Variants in GAPVD1 observed in about 807,000 individuals in gnomAD.
GAPVD1 encodes GTPase activating protein and VPS9 domains 1.
Under a neutral mutation model 155.5 loss-of-function variants are expected in GAPVD1, and 35 were observed. That is an observed-to-expected ratio of 0.23 (90% CI 0.17 to 0.30). GAPVD1 has a LOEUF of 0.30. Among genes scored for constraint, GAPVD1 ranks in the 10% least tolerant of loss-of-function variants. The pLI is 1.00. For missense variants in GAPVD1, 1,429 were observed against 1,775.7 expected (o/e 0.80, Z 3.51); for synonymous variants, 636 against 619.7 (o/e 1.03, Z -0.39).
chr9:125,330,666 A>T (rs1845940217), intron 13 of GAPVD1, among the ~76,000 whole-genome samples: 1 of 152,224 alleles, frequency 6.6e-6, no homozygotes, highest in South Asian at 2.1e-4. Context: ...AGAATGTCAA[A>T]TGGAAAATTA....
At chr9:125,298,009 G>A (rs760928437) in intron 3 of GAPVD1, among the ~76,000 whole-genome samples, 2 of 152,236 alleles carry the variant, frequency 1.3e-5, no homozygotes, top group Non-Finnish European at 2.9e-5. Context: ...GCCTCCCAAA[G>A]TGCTGGGATT....
chr9:125,308,021 T>C (rs1842118613), intron 8 of GAPVD1, 141 bp downstream of exon 8: 1 of 654,344 alleles, frequency 1.5e-6, no homozygotes, highest in Non-Finnish European at 2.7e-6. Flanking sequence ...ATTTCAGTTT[T>C]TAGAAATCGT....
chr9:125,279,319 G>C (rs1018979938), intron 2 of GAPVD1, among the ~76,000 whole-genome samples: 1 of 151,228 alleles, frequency 6.6e-6, no homozygotes, highest in African/African-American at 2.4e-5. Context: ...GCCTGTAATC[G>C]CAGCACCTTG....
intron 5 of GAPVD1, among the ~76,000 whole-genome samples, chr9:125,303,543 G>A (rs1460032075): frequency 1.3e-5 from 2 of 151,700 alleles, no homozygotes; most frequent in Admixed American, 6.6e-5. Flanking sequence ...TTGGGAGGCC[G>A]AGGCGGGCGG....
At chr9:125,315,042 C>A (rs1843207151) in intron 9 of GAPVD1, among the ~76,000 whole-genome samples, 1 of 152,068 alleles carries the variant, frequency 6.6e-6, no homozygotes, top group South Asian at 2.1e-4. Context: ...CCACCTCGGC[C>A]TCCCAAAGTG....
rs1849197375 is a variant in GAPVD1 at position 125,350,875 on chromosome 9, A to AAT, written c.3569+7_3569+8dup. ...GCTTCGATTGCTGAGGACTACAGGT[A>AAT]ATATACCCCACCTGTTCAGCTTTTA... On this transcript the variant is annotated splice_donor_region_variant and intron_variant, in intron 23 of 27. Coordinates refer to ENST00000297933, the MANE Select transcript of GAPVD1 (RefSeq NM_001282680.3). 2 of 1,605,606 alleles carry AAT rather than the reference A, an allele frequency of 1.2e-6. No homozygotes were observed. The highest frequency in any genetic ancestry group is 4.5e-5 in the East Asian group (2 of 44,832).
intron 9 of GAPVD1, among the ~76,000 whole-genome samples, chr9:125,316,598 C>T (rs1473513377): frequency 1.3e-5 from 2 of 152,174 alleles, no homozygotes; most frequent in African/African-American, 2.4e-5. Context: ...CATAGTATTC[C>T]ATGGTGTATA....
intron 3 of GAPVD1, among the ~76,000 whole-genome samples, chr9:125,296,181 CTTTTT>C (rs780590608): frequency 7.1e-6 from 1 of 140,176 alleles, no homozygotes. Context: ...TTCTTTCTTC[CTTTTT>C]TTTTTTTTTT....
rs1318005652 is a variant in GAPVD1, at chr9:125,365,739, A to G, written c.*2993A>G. 6.6e-6 allele frequency: 1 copy of G among 152,106 alleles called. No homozygotes were observed. Among genetic ancestry groups the G allele is most frequent in the African/African-American group, 2.4e-5 (1 of 41,404 alleles). The allele number at this position is 152,106 out of a possible 1,614,324, so 9.4% of individuals were successfully genotyped here. Reference sequence around the variant, plus strand: ...CTGTAACCACCATCTCCCAGTCTCTAGTGATTCTCATGGCTCAGCCTCCCT... The same window carrying G: ...CTGTAACCACCATCTCCCAGTCTCTGGTGATTCTCATGGCTCAGCCTCCCT... On this transcript the variant is annotated 3_prime_UTR_variant, in exon 28 of 28. Transcript: ENST00000297933.
intron 23 of GAPVD1, among the ~76,000 whole-genome samples, chr9:125,353,859 CAT>C (rs1849657895): frequency 6.6e-6 from 1 of 152,158 alleles, no homozygotes; most frequent in Non-Finnish European, 1.5e-5. Flanking sequence ...ACAGCCAAAT[CAT>C]ATCAATTTCT....
intron 6 of GAPVD1, among the ~76,000 whole-genome samples, chr9:125,306,153 T>G (rs913861469): frequency 1.3e-5 from 2 of 152,108 alleles, no homozygotes; most frequent in Non-Finnish European, 1.5e-5. Context: ...AAACATTCTT[T>G]TTTTTTTTGA....
Position 125,354,699 on chromosome 9 carries a change from A to G in GAPVD1, c.3615A>G (p.Gly1205=), listed in dbSNP as rs925090224. 5.0e-6 allele frequency: 8 copies of G among 1,613,812 alleles called. No individual in the cohort carries two copies. The African/African-American group carries it at 8.0e-5, about 16-fold the overall frequency. ...CTTATCTCACTCGTTGTCGACAAGG[A>G]CTACAGACCACACAGGCTCACCTGG... ...YIAYLTRCRQ[G]LQTTQAHLER... The change falls in exon 24 of 28, where the codon GGA becomes GGG. Residue 1205 remains glycine, a synonymous_variant. Transcript: ENST00000297933.
intron 24 of GAPVD1, 105 bp from the exon 25 acceptor site, chr9:125,355,539 G>A: frequency 1.4e-6 from 1 of 691,716 alleles, no homozygotes; most frequent in Non-Finnish European, 2.4e-6. Flanking sequence ...TTAAGATCAT[G>A]GTGTCTGCAT....
intron 1 of GAPVD1, among the ~76,000 whole-genome samples, chr9:125,268,173 A>C (rs1343963956): frequency 1.3e-5 from 2 of 149,272 alleles, no homozygotes; most frequent in Non-Finnish European, 3.0e-5. Context: ...TCAAAAAAAA[A>C]CAACAACAAA....
intron 9 of GAPVD1, among the ~76,000 whole-genome samples, chr9:125,315,605 A>G (rs1395823594): frequency 6.6e-6 from 1 of 152,154 alleles, no homozygotes; most frequent in African/African-American, 2.4e-5. Context: ...GATCTTTCCC[A>G]GGGCCGAGGC....
intron 2 of GAPVD1, among the ~76,000 whole-genome samples, chr9:125,289,868 C>T (rs1395835644): frequency 1.3e-5 from 2 of 152,050 alleles, no homozygotes; most frequent in African/African-American, 4.8e-5. Flanking sequence ...AAGATTGAGC[C>T]TTGGGGTAAT....
At chr9:125,310,003 C>G in intron 8 of GAPVD1, 1 of 458,974 alleles carries the variant, frequency 2.2e-6, no homozygotes, top group Non-Finnish European at 4.5e-6. Context: ...AGTAGTAACC[C>G]CGTTTGGTGG....
In GAPVD1 at chr9:125,307,416, T is replaced by C. The variant is rs761351815; in HGVS notation, c.1120T>C (p.Cys374Arg). ...KSSLGKFDKS[C>R]VAAFLDVVIG... The stretch of plus-strand genomic sequence containing the variant: ...TGTTTTTTTCCTGTTTTAACAGAGC[T>C]GTGTTGCCGCTTTCCTTGATGTTGT... The change falls in exon 7 of 28, where the codon TGT (cysteine) becomes CGT (arginine). Residue 374 changes from cysteine (C) to arginine (R), a missense_variant. Physicochemically the swap from Cys to Arg is radical, Grantham distance 180. This residue lies in a region of GAPVD1 where 628 missense variants were observed against 733.4 expected (regional missense o/e 0.86). Transcript: ENST00000297933. 4 of 1,599,046 alleles carry C rather than the reference T, an allele frequency of 2.5e-6. No individual in the cohort carries two copies. The highest frequency in any genetic ancestry group is 1.1e-5 in the South Asian group (1 of 87,676).
At chr9:125,298,059 T>G (rs1840157996) in intron 3 of GAPVD1, among the ~76,000 whole-genome samples, 1 of 152,168 alleles carries the variant, frequency 6.6e-6, no homozygotes, top group Non-Finnish European at 1.5e-5. Context: ...ATCTGACTTT[T>G]TAATTCACTA....
Sources: gnomAD v4.1 joint callset for allele counts (sites outside exome capture counted in the v4.1 genomes callset) on GRCh38, gnomAD v4.1.1 for gene constraint, gnomAD v4.1.1 regional missense constraint, MANE v1.5 for transcripts, NCBI Gene and HGNC (gene_info 2026-07-23, HGNC 2026-07-21) for gene names.